ABCA5: variants seen among roughly 807,000 people sequenced by gnomAD.
The protein encoded by ABCA5 is ATP binding cassette subfamily A member 5.
In ABCA5, 163 loss-of-function variants were observed where a neutral mutation model predicts 206.0. That is an observed-to-expected ratio of 0.79 (90% CI 0.70 to 0.90). ABCA5 has a LOEUF of 0.90. ABCA5 is among the 40% of genes least tolerant of loss of function. The pLI is 0.00. For synonymous variants in ABCA5, 609 were observed against 613.8 expected, an observed-to-expected ratio of 0.99 and a Z score of 0.11; for missense variants, 1,859 against 1,912.9, an observed-to-expected ratio of 0.97 and a Z score of 0.53.
intron 14 of ABCA5, among the ~76,000 whole-genome samples, chr17:69,288,814 C>T (rs2075492223): frequency 6.6e-6 from 1 of 151,642 alleles, no homozygotes; most frequent in South Asian, 2.1e-4. Context: ...AACCAGTTAT[C>T]ATAAAGATGT....
chr17:69,292,588 T>C (rs1200950135), intron 11 of ABCA5, among the ~76,000 whole-genome samples: 1 of 152,208 alleles, frequency 6.6e-6, no homozygotes, highest in Non-Finnish European at 1.5e-5. Flanking sequence ...ATGCCTTTTA[T>C]TTCATTCTCT....
At position 69,302,759 on chromosome 17, in the gene ABCA5, TGAAA is replaced by T; in HGVS notation, c.1074_1077del (p.Phe359ValfsTer9). 1 of 1,594,250 alleles carries T rather than the reference TGAAA, an allele frequency of 6.3e-7. No individual in the cohort carries two copies. On this transcript the variant is annotated frameshift_variant, in exon 8 of 39. Coordinates refer to ENST00000392676, the MANE Select transcript of ABCA5 (RefSeq NM_172232.4). LOFTEE classifies it high-confidence loss of function. The stretch of plus-strand genomic sequence containing the variant: ...ACAAAAGTACAGTGACAGAAAGGAC[TGAAA>T]AGCCACACTAACGATTTGGGAAAAC...
chr17:69,265,156 A>T (rs572715002), intron 23 of ABCA5, among the ~76,000 whole-genome samples: 2 of 152,274 alleles, frequency 1.3e-5, no homozygotes, highest in Admixed American at 1.3e-4. Context: ...TAGTGCTGCC[A>T]AGAAACTGAG....
At chr17:69,295,362 C>T (rs1026918347) in intron 10 of ABCA5, among the ~76,000 whole-genome samples, 4 of 152,060 alleles carry the variant, frequency 2.6e-5, no homozygotes, top group African/African-American at 7.2e-5. Context: ...TCAAGGCTTA[C>T]GGTATTGCAC....
chr17:69,254,445 A>C lies in ABCA5; in HGVS notation c.4114T>G (p.Ser1372Ala). The change falls in exon 32 of 39, where the codon TCA (serine) becomes GCA (alanine). Residue 1372 changes from serine (S) to alanine (A), a missense_variant. Transcript: ENST00000392676. Reference sequence around the variant, plus strand: ...GGACAGTAACCCATACACTTCAGTGAATCATCATCTTCACTTGTCTCTGAA... The same window carrying C: ...GGACAGTAACCCATACACTTCAGTGCATCATCATCTTCACTTGTCTCTGAA... ...YSSETSEDDD[S>A]LKCMGYCPQI... 1 of 1,613,236 alleles carries C rather than the reference A, an allele frequency of 6.2e-7. No individual in the cohort carries two copies. The highest frequency in any genetic ancestry group is 2.2e-5 in the East Asian group (1 of 44,806).
rs868705025 is a variant in ABCA5 at position 69,246,032 on chromosome 17, T to A, written c.*1505A>T. 6.6e-6 allele frequency: 1 copy of A among 152,022 alleles called. No individual in the cohort carries two copies. The highest frequency in any genetic ancestry group is 1.5e-5 in the Non-Finnish European group (1 of 67,868). 9.4% of individuals were successfully genotyped at this position (152,022 alleles called of 1,614,324 possible). A position where few individuals can be genotyped will look rare whatever the true frequency, so the allele number is the denominator to read the frequency against. On this transcript the variant is annotated 3_prime_UTR_variant, in exon 39 of 39. Coordinates refer to ENST00000392676, the MANE Select transcript of ABCA5 (RefSeq NM_172232.4). The stretch of plus-strand genomic sequence containing the variant: ...TCCCTGGGTATTTATGTGAACATTA[T>A]ATATACTTTAGGAAAGTGTATAGCA...
chr17:69,252,377 T>C (rs374304622), intron 34 of ABCA5, among the ~76,000 whole-genome samples: 4 of 151,996 alleles, frequency 2.6e-5, no homozygotes, highest in Non-Finnish European at 5.9e-5. Context: ...AAAAAAAAAA[T>C]CTATGATTTC....
intron 35 of ABCA5, chr17:69,250,928 T>G (rs1335593660): frequency 5.7e-6 from 1 of 175,302 alleles, no homozygotes; most frequent in Non-Finnish European, 1.2e-5. Flanking sequence ...CCAGGTTCTA[T>G]CCAGGATACC....
chr17:69,283,401 G>GT (rs1357305887), intron 18 of ABCA5, among the ~76,000 whole-genome samples: 1 of 152,002 alleles, frequency 6.6e-6, no homozygotes, highest in Non-Finnish European at 1.5e-5. Flanking sequence ...ACCAGAACGT[G>GT]TTTTTTTAAA....
Position 69,271,054 on chromosome 17 carries a change from T to C in ABCA5, c.2892+108A>G, listed in dbSNP as rs1356200935. 3.0e-6 allele frequency: 4 copies of C among 1,327,888 alleles called. No homozygotes were observed. In the African/African-American group the frequency reaches 4.6e-5, roughly 15 times the overall value. The allele number at this position is 1,327,888 out of a possible 1,614,324, so 82.3% of individuals were successfully genotyped here. A position where few individuals can be genotyped will look rare whatever the true frequency, so the allele number is the denominator to read the frequency against. On this transcript the variant is annotated intron_variant, in intron 21 of 38. Coordinates refer to ENST00000392676, the MANE Select transcript of ABCA5 (RefSeq NM_172232.4). ...CAGCTAGTTATTTCCAAAAGTAAAA[T>C]CTAATTTCTAACTCATAAGGTCAAA...
chr17:69,249,159 C>T (rs2074984711), intron 37 of ABCA5: 2 of 152,154 alleles, frequency 1.3e-5, no homozygotes, highest in South Asian at 4.1e-4. Flanking sequence ...ATCAGGAAAT[C>T]TTTTTGTATT....
intron 18 of ABCA5, among the ~76,000 whole-genome samples, chr17:69,282,472 C>T (rs536055000): frequency 6.6e-6 from 1 of 152,200 alleles, no homozygotes; most frequent in East Asian, 1.9e-4. Flanking sequence ...AAACAATATA[C>T]TCAAAATTCA....
intron 33 of ABCA5, 44 bp from the exon 34 acceptor site, chr17:69,253,711 A>C (rs747557090): frequency 5.0e-6 from 8 of 1,586,690 alleles, no homozygotes; most frequent in Non-Finnish European, 2.6e-6. Flanking sequence ...ACAAAGGTTC[A>C]CTATAAGGAA....
intron 24 of ABCA5, 56 bp from the exon 25 acceptor site, chr17:69,261,804 C>A: frequency 1.6e-6 from 1 of 617,848 alleles, no homozygotes. Flanking sequence ...ATACACATGA[C>A]ATGAAATACT....
intron 7 of ABCA5, chr17:69,304,181 C>A (rs2075691810): frequency 6.6e-6 from 1 of 151,894 alleles, no homozygotes; most frequent in East Asian, 1.9e-4. Context: ...GCACATAAAC[C>A]AATCAGAATG....
chr17:69,270,562 T>A (rs758463202), intron 22 of ABCA5, 51 bp downstream of exon 22: 12 of 1,469,222 alleles, frequency 8.2e-6, no homozygotes, highest in African/African-American at 1.5e-5. Flanking sequence ...TTAATGGTTA[T>A]TATATATATG....
chr17:69,310,142 G>A (rs1043416537), intron 3 of ABCA5, among the ~76,000 whole-genome samples: 4 of 151,834 alleles, frequency 2.6e-5, no homozygotes, highest in Non-Finnish European at 5.9e-5. Flanking sequence ...AAATAACTTC[G>A]TTATTTTATT....
chr17:69,271,076 C>G, intron 21 of ABCA5, 86 bp downstream of exon 21: 1 of 1,469,632 alleles, frequency 6.8e-7, no homozygotes, highest in Non-Finnish European at 9.0e-7. Context: ...CTCATAAGGT[C>G]AAATCAACAA....
At chr17:69,298,782 C>T (rs992865423) in intron 9 of ABCA5, among the ~76,000 whole-genome samples, 1 of 152,088 alleles carries the variant, frequency 6.6e-6, no homozygotes, top group Non-Finnish European at 1.5e-5. Flanking sequence ...GACTTCATGA[C>T]CAAGAAGCCA....
Sources: gnomAD v4.1 joint callset for allele counts (sites outside exome capture counted in the v4.1 genomes callset) on GRCh38, gnomAD v4.1.1 for gene constraint, MANE v1.5 for transcripts, NCBI Gene and HGNC (gene_info 2026-07-23, HGNC 2026-07-21) for gene names.